The following PPL variants were observed in gnomAD, a reference collection of about 807,000 sequenced individuals.
PPL encodes the protein periplakin.
In PPL, 198 loss-of-function variants were observed where a neutral mutation model predicts 194.4. The ratio of observed to expected loss-of-function variants is 1.02; its 90% confidence interval spans 0.91 to 1.15. The LOEUF is 1.15. PPL is among the 50% of genes most tolerant of loss of function. The pLI is 0.00. For missense variants in PPL, 2,885 were observed against 2,294.8 expected, an observed-to-expected ratio of 1.26 and a Z score of -5.25; for synonymous variants, 1,220 against 972.4, an observed-to-expected ratio of 1.25 and a Z score of -4.74.
rs115643547 is a variant in PPL, at chr16:4,923,833, A to G, written c.63-12884T>C. On this transcript the variant is annotated intron_variant, in intron 1 of 21. Transcript: ENST00000345988. ...GGTGTGGCCGCACCATGATTAGGAT[A>G]ACTGGGTTTCATCCTCTTCCTCCGT... is the stretch of plus-strand genomic sequence containing the variant. 1.7e-3 allele frequency among the ~76,000 whole-genome samples: 266 copies of G among 152,170 alleles called. 1 individual carries two copies. Among genetic ancestry groups the G allele is most frequent in the African/African-American group, 6.1e-3 (252 of 41,508 alleles).
Position 4,894,476 on chromosome 16 carries a change from A to G in PPL, c.1385T>C (p.Leu462Pro). 6.2e-7 allele frequency: 1 copy of G among 1,613,868 alleles called. No homozygotes were observed. Among genetic ancestry groups the G allele is most frequent in the Non-Finnish European group, 8.5e-7 (1 of 1,179,958 alleles). The stretch of plus-strand genomic sequence containing the variant: ...GCCTTTGCCCTTGTACCTGTCAGCC[A>G]GAGCCAGGGCCTCAGGGTCTGTGGG... The part of the protein sequence containing the change: ...IPPTDPEALA[L>P]ADSLGSQYRS... The change falls in exon 12 of 22, where the codon CTG becomes CCG. Residue 462 changes from leucine (L) to proline (P), a missense_variant. Transcript: ENST00000345988.
At chr16:4,887,297 C>T in intron 20 of PPL, 70 bp from the exon 21 acceptor site, 2 of 1,155,506 alleles carry the variant, frequency 1.7e-6, no homozygotes, top group Non-Finnish European at 2.6e-6. Flanking sequence ...GAGAGCTAGA[C>T]AGCGTGGACG....
intron 2 of PPL, among the ~76,000 whole-genome samples, chr16:4,909,966 C>A (rs1189172695): frequency 6.6e-6 from 1 of 152,200 alleles, no homozygotes; most frequent in Non-Finnish European, 1.5e-5. Context: ...ATGCTGGCAC[C>A]ATCTCTGTCA....
rs2088592148 is a variant in PPL at position 4,902,406 on chromosome 16, C to T, written c.438G>A (p.Leu146=). Residue 146 remains leucine (L), a splice_region_variant and synonymous_variant, in exon 4 of 22, where the codon CTG becomes CTA. Transcript: ENST00000345988. This position sits in a 1 kb window ranked among gnomAD's most constrained non-coding sequence, Gnocchi z 4.0. The part of the protein sequence containing the change: ...VNWAALVEEK[L]DKLNNQSFGT... ...GCCAGCGGCCCCGTCCAGGCCATAC[C>T]AGCTTCTCCTCCACCAGTGCCGCCC... 1 of 1,613,930 alleles carries T rather than the reference C, an allele frequency of 6.2e-7. No homozygotes were observed.
rs1358088881 is a variant in PPL, at chr16:4,920,351, G to GAAAC, written c.63-9403_63-9402insGTTT. 6.2e-3 allele frequency among the ~76,000 whole-genome samples: 436 copies of GAAAC among 70,744 alleles called. 11 individuals carry two copies. The highest frequency in any genetic ancestry group is 0.017 in the Non-Finnish European group (365 of 21,656). The allele number at this position is 70,744 out of a possible 152,430, so 46.4% of individuals were successfully genotyped here. A position where few individuals can be genotyped will look rare whatever the true frequency, so the allele number is the denominator to read the frequency against. On this transcript the variant is annotated intron_variant, in intron 1 of 21. Transcript: ENST00000345988. ...AGAAAGAAAGAGAGAGAGAGAGAAA[G>GAAAC]AAAGAAAGAAAGAAAGAAAGGACAC...
intron 2 of PPL, among the ~76,000 whole-genome samples, chr16:4,905,481 C>T (rs1047623121): frequency 1.3e-5 from 2 of 152,172 alleles, no homozygotes; most frequent in Admixed American, 6.5e-5. Flanking sequence ...AGAGATCTTG[C>T]ACGGGATGAA....
intron 2 of PPL, among the ~76,000 whole-genome samples, chr16:4,906,153 C>A (rs2088677551): frequency 6.6e-6 from 1 of 152,162 alleles, no homozygotes; most frequent in African/African-American, 2.4e-5. Flanking sequence ...ATCCCCCAAC[C>A]CTGGGGTAGG....
chr16:4,913,163 C>T (rs746081478), intron 1 of PPL, among the ~76,000 whole-genome samples: 14 of 152,054 alleles, frequency 9.2e-5, no homozygotes, highest in Non-Finnish European at 2.1e-4. Flanking sequence ...CTCTCCCTCA[C>T]TGTCTCTGTG....
At chr16:4,898,789 C>T (rs1052616656) in intron 8 of PPL, among the ~76,000 whole-genome samples, 1 of 152,236 alleles carries the variant, frequency 6.6e-6, no homozygotes, top group South Asian at 2.1e-4. Context: ...CTAATACAGA[C>T]CCCACAGGGG....
intron 1 of PPL, among the ~76,000 whole-genome samples, chr16:4,920,321 A>AAGAAAGAAAGAGAG (rs2089016324): frequency 1.9e-5 from 1 of 53,886 alleles, no homozygotes; most frequent in East Asian, 1.1e-3. Context: ...AAGGAAAGAA[A>AAGAAAGAAAGAGAG]AGAAAGAAAG....
At chr16:4,909,689 A>C (rs1005091067) in intron 2 of PPL, among the ~76,000 whole-genome samples, 1 of 152,048 alleles carries the variant, frequency 6.6e-6, no homozygotes, top group Non-Finnish European at 1.5e-5. Context: ...GGCCTCCCAA[A>C]GTACTGGGAT....
intron 1 of PPL, among the ~76,000 whole-genome samples, chr16:4,929,558 A>G (rs541813130): frequency 1.0e-3 from 152 of 152,352 alleles, no homozygotes; most frequent in South Asian, 1.9e-3. Flanking sequence ...GGTTTGGTTG[A>G]TGTTTTCACA....
intron 1 of PPL, among the ~76,000 whole-genome samples, chr16:4,917,257 G>C (rs993517072): frequency 4.6e-5 from 7 of 152,180 alleles, no homozygotes; most frequent in African/African-American, 1.7e-4. Context: ...CTTTTTAGTG[G>C]AAACAACTCA....
chr16:4,931,645 G>A (rs1353685081), intron 1 of PPL, among the ~76,000 whole-genome samples: 3 of 152,228 alleles, frequency 2.0e-5, no homozygotes, highest in East Asian at 3.9e-4. Context: ...GAGAGCAGCT[G>A]CACGCTGGGA....
intron 1 of PPL, among the ~76,000 whole-genome samples, chr16:4,928,923 A>G (rs943645270): frequency 1.3e-5 from 2 of 148,610 alleles, no homozygotes; most frequent in East Asian, 4.1e-4. Context: ...AGGCAGGAGA[A>G]TCACTTGAAC....
chr16:4,884,620 C>T lies in PPL; in HGVS notation c.4035G>A (p.Arg1345=), dbSNP rs746855811. The change falls in exon 22 of 22, where the codon CGG becomes CGA. Residue 1345 remains arginine, a synonymous_variant. Transcript: ENST00000345988. This position sits in a 1 kb window ranked among gnomAD's most constrained non-coding sequence, Gnocchi z 5.7. ...CCTGCTGCACCACCCTTTCCTTCAC[C>T]CGCGAGAGCTCCTCCTCTTTCCGGG... ...QIARKEEELS[R]VKERVVQQEV... The T allele has an allele frequency of 6.2e-7, 1 of 1,614,172 alleles. No individual in the cohort carries two copies. Among genetic ancestry groups the T allele is most frequent in the Non-Finnish European group, 8.5e-7 (1 of 1,180,030 alleles).
At chr16:4,913,327 G>A (rs2088856432) in intron 1 of PPL, among the ~76,000 whole-genome samples, 1 of 152,166 alleles carries the variant, frequency 6.6e-6, no homozygotes, top group Non-Finnish European at 1.5e-5. Context: ...TAGTGGCTGT[G>A]TGACTTGGCC....
At chr16:4,897,545 G>A in intron 9 of PPL, 130 bp downstream of exon 9, 1 of 662,698 alleles carries the variant, frequency 1.5e-6, no homozygotes, top group East Asian at 2.8e-5. Context: ...GGTGCTGGGG[G>A]CCTGGGATGG....
intron 6 of PPL, 107 bp downstream of exon 6, chr16:4,900,723 C>A (rs1239726112): frequency 6.7e-6 from 10 of 1,493,914 alleles, no homozygotes; most frequent in Non-Finnish European, 9.2e-6. Context: ...AGCCACCATG[C>A]CCAGCTGCCT....
Sources: allele counts gnomAD v4.1 joint callset (sites outside exome capture counted in the v4.1 genomes callset), GRCh38; gene constraint gnomAD v4.1.1; non-coding constraint Gnocchi (gnomAD v3.1); transcripts MANE v1.5; gene names NCBI Gene and HGNC (gene_info 2026-07-23, HGNC 2026-07-21).